The following EPS15L1 variants were observed in gnomAD, a reference collection of about 807,000 sequenced individuals.
The protein encoded by EPS15L1 is epidermal growth factor receptor substrate 15-like 1.
In EPS15L1, 43 loss-of-function variants were observed where a neutral mutation model predicts 117.1. That is an observed-to-expected ratio of 0.37 (90% confidence interval 0.29 to 0.47). The LOEUF is 0.47. Among genes scored for constraint, EPS15L1 ranks in the 20% least tolerant of loss-of-function variants. The probability of loss-of-function intolerance (pLI) is 0.99; values close to 1 mark genes in which losing one functional copy is unlikely to be tolerated. For missense variants in EPS15L1, 981 were observed against 1,164.0 expected (o/e 0.84, Z 2.29); for synonymous variants, 459 against 470.5 (o/e 0.98, Z 0.32).
chr19:16,396,748 C>T (rs1453449872), intron 16 of EPS15L1, among the ~76,000 whole-genome samples: 1 of 152,044 alleles, frequency 6.6e-6, no homozygotes, highest in East Asian at 1.9e-4. Flanking sequence ...TGTAACGAGC[C>T]ACACAACAGA....
intron 18 of EPS15L1, among the ~76,000 whole-genome samples, chr19:16,393,522 G>A (rs2092504197): frequency 1.3e-5 from 2 of 151,122 alleles, no homozygotes; most frequent in Non-Finnish European, 1.5e-5. Flanking sequence ...GGTAGCGGGC[G>A]CCTGTAGTCC....
At chr19:16,374,467 C>A (rs1231664071) in intron 22 of EPS15L1, among the ~76,000 whole-genome samples, 3 of 152,166 alleles carry the variant, frequency 2.0e-5, no homozygotes, top group Non-Finnish European at 4.4e-5. Flanking sequence ...CCAAGGAAGT[C>A]ACCCAAACTC....
chr19:16,417,566 A>G lies in EPS15L1; in HGVS notation c.1179T>C (p.Ile393=), dbSNP rs2092770649. The G allele has an allele frequency of 6.2e-7, 1 of 1,614,094 alleles. No homozygotes were observed. Among genetic ancestry groups the G allele is most frequent in the Non-Finnish European group, 8.5e-7 (1 of 1,179,940 alleles). Residue 393 remains isoleucine (I), a synonymous_variant, in exon 12 of 24, where the codon ATT becomes ATC. Coordinates refer to ENST00000455140, the MANE Select transcript of EPS15L1 (RefSeq NM_001258374.3). The stretch of plus-strand genomic sequence containing the variant: ...TTCCAACATACCTTTGTAACTGGGC[A>G]ATCTCTTGACTGATGTCATCAAGCT... ...VKELDDISQE[I]AQLQREKYSL...
intron 7 of EPS15L1, among the ~76,000 whole-genome samples, chr19:16,433,618 G>A (rs915181671): frequency 9.2e-5 from 14 of 152,028 alleles, no homozygotes; most frequent in African/African-American, 3.4e-4. Flanking sequence ...CAGCCTGGCA[G>A]TTCGAGACCA....
intron 5 of EPS15L1, 70 bp downstream of exon 5, chr19:16,437,700 C>T (rs1321414121): frequency 9.5e-7 from 1 of 1,051,042 alleles, no homozygotes; most frequent in Admixed American, 1.7e-5. Flanking sequence ...TGCACATACA[C>T]ACATGCACAT....
intron 1 of EPS15L1, among the ~76,000 whole-genome samples, chr19:16,464,008 A>G (rs2093277465): frequency 6.6e-6 from 1 of 152,260 alleles, no homozygotes; most frequent in African/African-American, 2.4e-5. Flanking sequence ...TGAGGACTGC[A>G]GGCCTGGGAA....
At chr19:16,404,000 C>T in intron 14 of EPS15L1, 70 bp from the exon 15 acceptor site, 5 of 1,399,666 alleles carry the variant, frequency 3.6e-6, no homozygotes, top group South Asian at 1.2e-5. Context: ...CGAGAAAGAA[C>T]TCTTAGCCCC....
At chr19:16,360,532 A>T (rs2092037068) in intron 23 of EPS15L1, among the ~76,000 whole-genome samples, 1 of 152,008 alleles carries the variant, frequency 6.6e-6, no homozygotes, top group Admixed American at 6.6e-5. Context: ...GCTTGAGGCC[A>T]GGAGTTCCAG....
intron 22 of EPS15L1, among the ~76,000 whole-genome samples, chr19:16,367,294 C>G (rs770321187): frequency 2.4e-4 from 36 of 151,544 alleles, no homozygotes; most frequent in Admixed American, 4.6e-4. Context: ...ATTAAAGACC[C>G]TCTTGGGTGT....
chr19:16,446,166 C>T (rs1009616452), intron 1 of EPS15L1, among the ~76,000 whole-genome samples: 1 of 152,158 alleles, frequency 6.6e-6, no homozygotes, highest in Non-Finnish European at 1.5e-5. Flanking sequence ...TTCACACAAG[C>T]GCCTGTAACT....
intron 1 of EPS15L1, among the ~76,000 whole-genome samples, chr19:16,450,082 C>T (rs1285281285): frequency 2.1e-5 from 3 of 144,852 alleles, no homozygotes; most frequent in Non-Finnish European, 3.0e-5. Flanking sequence ...GACCCTATCT[C>T]TACAAAAAAA....
chr19:16,372,971 C>T (rs1350839973), intron 22 of EPS15L1, among the ~76,000 whole-genome samples: 1 of 152,240 alleles, frequency 6.6e-6, no homozygotes, highest in Non-Finnish European at 1.5e-5. Flanking sequence ...TTTCCTGGCA[C>T]AGAGGCCTAG....
In EPS15L1 at chr19:16,467,618, TA is replaced by T. The variant is rs201367089; in HGVS notation, c.33+4294del. On this transcript the variant is annotated intron_variant, in intron 1 of 23. Transcript: ENST00000455140. ...GATCTTTCAGGAGTGGATTTTACTC[TA>T]AAACTTCGTTCTCATCAATTTAGAC... Among the ~76,000 whole-genome samples the T allele has an allele frequency of 6.6e-5, 10 of 152,326 alleles. No homozygotes were observed. In the East Asian group the frequency reaches 1.9e-3, roughly 29 times the overall value.
intron 7 of EPS15L1, among the ~76,000 whole-genome samples, chr19:16,431,099 C>T (rs1288788686): frequency 6.6e-6 from 1 of 151,596 alleles, no homozygotes; most frequent in African/African-American, 2.4e-5. Context: ...ATTAGCTGGG[C>T]GTGATGGGGT....
chr19:16,445,327 G>A (rs558232064), intron 1 of EPS15L1, among the ~76,000 whole-genome samples: 97 of 152,350 alleles, frequency 6.4e-4, no homozygotes, highest in Non-Finnish European at 1.1e-3. Context: ...ACAGCTGAGG[G>A]AAAGCCCAGG....
chr19:16,401,752 G>A (rs2092603723), intron 16 of EPS15L1: 1 of 985,454 alleles, frequency 1.0e-6, no homozygotes, highest in African/African-American at 1.7e-5. Flanking sequence ...AGGGTCATGA[G>A]GTCAGAGTAA....
At chr19:16,393,145 T>C (rs939401624) in intron 18 of EPS15L1, among the ~76,000 whole-genome samples, 2 of 150,264 alleles carry the variant, frequency 1.3e-5, no homozygotes, top group African/African-American at 2.4e-5. Context: ...GGTAAATCCA[T>C]AGAGACAGAA....
At chr19:16,445,680 G>A (rs554981158) in intron 1 of EPS15L1, among the ~76,000 whole-genome samples, 1 of 152,326 alleles carries the variant, frequency 6.6e-6, no homozygotes, top group Non-Finnish European at 1.5e-5. Context: ...AAGATTCACA[G>A]CTACTGGGAA....
intron 7 of EPS15L1, among the ~76,000 whole-genome samples, chr19:16,432,034 T>C (rs1241027753): frequency 1.3e-5 from 2 of 152,146 alleles, no homozygotes; most frequent in Middle Eastern, 3.2e-3. Flanking sequence ...AGGACTTGAG[T>C]ATGCGTACAT....
Sources: gnomAD v4.1 joint callset for allele counts (sites outside exome capture counted in the v4.1 genomes callset) on GRCh38, gnomAD v4.1.1 for gene constraint, MANE v1.5 for transcripts, NCBI Gene and HGNC (gene_info 2026-07-23, HGNC 2026-07-21) for gene names.